The following SEMA5A variants were observed in gnomAD, a reference collection of about 807,000 sequenced individuals.
The protein encoded by SEMA5A is semaphorin 5A.
In SEMA5A, 55 loss-of-function variants were observed where a neutral mutation model predicts 135.5. That is an observed-to-expected ratio of 0.41 (90% confidence interval 0.33 to 0.51). SEMA5A has a LOEUF of 0.51. Ranked by LOEUF, SEMA5A falls within the 20% of genes least tolerant of loss-of-function variation. SEMA5A has a pLI of 0.37. For missense variants in SEMA5A, 1,290 were observed against 1,419.9 expected (o/e 0.91, Z 1.47); for synonymous variants, 580 against 546.5 (o/e 1.06, Z -0.85).
At chr5:9,089,280 T>C (rs1174080900) in intron 16 of SEMA5A, among the ~76,000 whole-genome samples, 1 of 152,222 alleles carries the variant, frequency 6.6e-6, no homozygotes, top group African/African-American at 2.4e-5. Context: ...CCTTGGATAA[T>C]GTTTCATAAC....
At chr5:9,464,705 T>C (rs1342215394) in intron 1 of SEMA5A, among the ~76,000 whole-genome samples, 1 of 151,662 alleles carries the variant, frequency 6.6e-6, no homozygotes, top group African/African-American at 2.4e-5. Context: ...GCATGGAAGC[T>C]TGTAGACCAT....
At chr5:9,448,318 C>A (rs1196670111) in intron 1 of SEMA5A, among the ~76,000 whole-genome samples, 4 of 152,190 alleles carry the variant, frequency 2.6e-5, no homozygotes, top group Non-Finnish European at 4.4e-5. Context: ...CTCTGTGGAA[C>A]TAAATGGGAA....
At chr5:9,295,080 A>G (rs936532983) in intron 5 of SEMA5A, among the ~76,000 whole-genome samples, 1 of 152,130 alleles carries the variant, frequency 6.6e-6, no homozygotes, top group Non-Finnish European at 1.5e-5. Context: ...CACTATTTTC[A>G]TAGCCCCTGT....
chr5:9,265,125 A>G (rs1475689439), intron 5 of SEMA5A, among the ~76,000 whole-genome samples: 2 of 152,148 alleles, frequency 1.3e-5, no homozygotes. Context: ...GTTGTGGATG[A>G]AATAAGGACA....
intron 11 of SEMA5A, among the ~76,000 whole-genome samples, chr5:9,158,148 G>A (rs1445505319): frequency 1.3e-5 from 2 of 152,118 alleles, no homozygotes; most frequent in Non-Finnish European, 2.9e-5. Context: ...TAGCCAGCCT[G>A]GAATGAGAAT....
chr5:9,090,151 C>T (rs888398904), intron 16 of SEMA5A, among the ~76,000 whole-genome samples: 4 of 152,170 alleles, frequency 2.6e-5, no homozygotes, highest in Non-Finnish European at 4.4e-5. Flanking sequence ...ACCTCTTAAA[C>T]CCTGAGTCTT....
In SEMA5A at chr5:9,066,666, G is replaced by A. The variant is rs535146619; in HGVS notation, c.2074-20C>T. ...GTACTCCTGGGGAGAATGCGCAGAC[G>A]AGTGTTACTATACGGGGTAAACAGA... On this transcript the variant is annotated intron_variant, in intron 16 of 22. Transcript: ENST00000382496. 3.1e-6 allele frequency: 5 copies of A among 1,607,838 alleles called. No homozygotes were observed. Among genetic ancestry groups the A allele is most frequent in the African/African-American group, 2.7e-5 (2 of 74,926 alleles).
intron 5 of SEMA5A, among the ~76,000 whole-genome samples, chr5:9,281,629 G>A (rs1750545279): frequency 6.6e-6 from 1 of 151,986 alleles, no homozygotes; most frequent in African/African-American, 2.4e-5. Flanking sequence ...GGTTCTTCAG[G>A]GACAATGAGA....
intron 16 of SEMA5A, among the ~76,000 whole-genome samples, chr5:9,085,886 C>T (rs1003954228): frequency 6.6e-6 from 1 of 152,208 alleles, no homozygotes; most frequent in African/African-American, 2.4e-5. Flanking sequence ...CCCTGCAAAG[C>T]CACAGAGTTG....
chr5:9,391,352 C>G (rs1367596503), intron 2 of SEMA5A, among the ~76,000 whole-genome samples: 2 of 152,296 alleles, frequency 1.3e-5, no homozygotes, highest in African/African-American at 4.8e-5. Context: ...AGTCCCATGA[C>G]TTAAATAACA....
At chr5:9,270,831 C>A (rs2150538534) in intron 5 of SEMA5A, among the ~76,000 whole-genome samples, 1 of 152,162 alleles carries the variant, frequency 6.6e-6, no homozygotes, top group African/African-American at 2.4e-5. Context: ...ATCTAAGAGG[C>A]AGACTTCTCC....
chr5:9,210,691 T>C (rs1746298969), intron 8 of SEMA5A, among the ~76,000 whole-genome samples: 1 of 152,196 alleles, frequency 6.6e-6, no homozygotes, highest in African/African-American at 2.4e-5. Flanking sequence ...CTAGCTCAGG[T>C]ATGCATCAGG....
At position 9,202,053 on chromosome 5, in the gene SEMA5A, G is replaced by A. The variant is rs746395050; in HGVS notation, c.834C>T (p.Cys278=). 6.2e-7 allele frequency: 1 copy of A among 1,614,136 alleles called. No homozygotes were observed. Among genetic ancestry groups the A allele is most frequent in the African/African-American group, 1.3e-5 (1 of 74,948 alleles). Residue 278 remains cysteine (C), a synonymous_variant, in exon 9 of 23, where the codon TGC becomes TGT. Transcript: ENST00000382496. The stretch of plus-strand genomic sequence containing the variant: ...AAAAGGGGACTTCCCCAGGACGGGA[G>A]CAGTTCAGGCGAGCCTTCATGAATG... ...WTTFMKARLN[C]SRPGEVPFYY...
intron 5 of SEMA5A, among the ~76,000 whole-genome samples, chr5:9,301,697 G>A (rs1275577978): frequency 1.3e-5 from 2 of 152,106 alleles, no homozygotes; most frequent in Non-Finnish European, 2.9e-5. Context: ...CTGATTAAGG[G>A]CACTTGGGTC....
chr5:9,119,213 C>G (rs1740683153), intron 14 of SEMA5A, 72 bp from the exon 15 acceptor site: 4 of 1,554,444 alleles, frequency 2.6e-6, no homozygotes, highest in Middle Eastern at 1.8e-4. Context: ...GCACCCACGG[C>G]CAAATGCCTG....
At chr5:9,419,992 G>A (rs1015964909) in intron 2 of SEMA5A, among the ~76,000 whole-genome samples, 1 of 152,180 alleles carries the variant, frequency 6.6e-6, no homozygotes, top group South Asian at 2.1e-4. Context: ...TTCAGGATGT[G>A]TACTGTTGGG....
chr5:9,076,689 AT>A (rs1290994102), intron 16 of SEMA5A, among the ~76,000 whole-genome samples: 3 of 152,144 alleles, frequency 2.0e-5, no homozygotes, highest in Non-Finnish European at 2.9e-5. Context: ...AATCATCGTA[AT>A]TTTTTTCATG....
chr5:9,512,023 T>C (rs1561311019), intron 1 of SEMA5A: 1 of 152,212 alleles, frequency 6.6e-6, no homozygotes, highest in Non-Finnish European at 1.5e-5. Context: ...AGAAAAGTCT[T>C]GGAAACATCC....
At chr5:9,285,398 T>C (rs2150573068) in intron 5 of SEMA5A, among the ~76,000 whole-genome samples, 1 of 152,318 alleles carries the variant, frequency 6.6e-6, no homozygotes, top group African/African-American at 2.4e-5. Context: ...ACAGTGGCCT[T>C]TGAGTCAGTT....
Sources: gnomAD v4.1 joint callset for allele counts (sites outside exome capture counted in the v4.1 genomes callset) on GRCh38, gnomAD v4.1.1 for gene constraint, MANE v1.5 for transcripts, NCBI Gene and HGNC (gene_info 2026-07-23, HGNC 2026-07-21) for gene names.